Variants in STOX2 observed in about 807,000 individuals in gnomAD.
STOX2 encodes storkhead box 2, also known as storkhead-box protein 2.
Under a neutral mutation model 60.9 loss-of-function variants are expected in STOX2, and 28 were observed. The observed-to-expected ratio is 0.46, with a 90% confidence interval of 0.34 to 0.63. The LOEUF (loss-of-function observed/expected upper bound fraction) is 0.63, where lower values mean the gene tolerates loss of function less well. Among genes scored for constraint, STOX2 ranks in the 30% least tolerant of loss-of-function variants. The pLI is 0.01. For missense variants in STOX2, 1,024 were observed against 1,187.7 expected (o/e 0.86, Z 2.03); for synonymous variants, 472 against 463.9 (o/e 1.02, Z -0.22).
At chr4:183,976,152 A>G (rs1033040431) in intron 1 of STOX2, among the ~76,000 whole-genome samples, 1 of 152,140 alleles carries the variant, frequency 6.6e-6, no homozygotes, top group Non-Finnish European at 1.5e-5. Context: ...CTCTACTAAA[A>G]AATACAAAAA....
chr4:183,911,712 G>A (rs754240928), intron 1 of STOX2, among the ~76,000 whole-genome samples: 4 of 152,212 alleles, frequency 2.6e-5, no homozygotes, highest in Non-Finnish European at 5.9e-5. Flanking sequence ...CGGAGAATTA[G>A]GACAATTCAG....
chr4:183,896,642 G>A (rs28555207), intron 1 of STOX2, among the ~76,000 whole-genome samples: 6,119 of 152,186 alleles, frequency 0.04, 414 homozygotes, highest in African/African-American at 0.14. Context: ...ACCCAGTCCC[G>A]TCTTTTCCTT....
At chr4:183,901,260 T>C (rs997420015), upstream of STOX2, among the ~76,000 whole-genome samples, 1 of 152,250 alleles carries the variant, frequency 6.6e-6, no homozygotes, top group Admixed American at 6.5e-5. Flanking sequence ...TTTAGAATGC[T>C]GAATAGATTC....
chr4:183,951,109 G>T (rs536876926), intron 1 of STOX2, among the ~76,000 whole-genome samples: 1 of 151,314 alleles, frequency 6.6e-6, no homozygotes, highest in South Asian at 2.1e-4. Flanking sequence ...CCAGCTACTC[G>T]GGAGGCTGAG....
At chr4:183,910,422 G>T (rs1741745585) in intron 1 of STOX2, among the ~76,000 whole-genome samples, 1 of 152,210 alleles carries the variant, frequency 6.6e-6, no homozygotes. Context: ...TGATGAAGTT[G>T]TGAGAGCTTT....
intron 1 of STOX2, among the ~76,000 whole-genome samples, chr4:183,991,694 G>T (rs1349022906): frequency 6.6e-6 from 1 of 152,060 alleles, no homozygotes; most frequent in Admixed American, 6.5e-5. Context: ...AAAGTGCTGG[G>T]ATTACAAGCA....
chr4:184,014,308 A>G (rs909558542), intron 3 of STOX2: 1 of 152,180 alleles, frequency 6.6e-6, no homozygotes, highest in Non-Finnish European at 1.5e-5. Context: ...TCTAATATTG[A>G]AAATGAAAAG....
intron 1 of STOX2, among the ~76,000 whole-genome samples, chr4:183,945,844 C>T (rs1253731854): frequency 6.6e-6 from 1 of 152,184 alleles, no homozygotes; most frequent in East Asian, 1.9e-4. Flanking sequence ...TTTCCTCTCT[C>T]CTTGCGAAGG....
At chr4:183,874,994 A>ATATATATATAT (rs1560857959) in intron 1 of STOX2, among the ~76,000 whole-genome samples, 1 of 99,730 alleles carries the variant, frequency 1.0e-5, no homozygotes, top group African/African-American at 3.6e-5. Flanking sequence ...TATATATATA[A>ATATATATATAT]AACTTAGAAT....
At chr4:183,971,896 C>T (rs376644527) in intron 1 of STOX2, among the ~76,000 whole-genome samples, 9 of 152,220 alleles carry the variant, frequency 5.9e-5, no homozygotes, top group South Asian at 4.1e-4. Context: ...CAGCAGGCAC[C>T]GTGGGGAAGG....
At chr4:183,840,899 A>C (rs1251821191) in intron 1 of STOX2, among the ~76,000 whole-genome samples, 1 of 152,078 alleles carries the variant, frequency 6.6e-6, no homozygotes, top group African/African-American at 2.4e-5. Flanking sequence ...ACAGGGTCTC[A>C]CTCTGTTGCC....
Position 183,803,965 on chromosome 4 carries a change from C to CA in STOX2, c.364+5918dup, listed in dbSNP as rs547932214. On this transcript the variant is annotated intron_variant, in intron 1 of 2. Coordinates refer to the STOX2 transcript ENST00000513034. ...CCTGGGTGACAGTGAGACTCTGTCT[C>CA]AAAAAAAAGAAAGAAAAGAATTAAA... Among the ~76,000 whole-genome samples the CA allele has an allele frequency of 2.8e-4, 42 of 149,828 alleles. No individual in the cohort carries two copies. In the South Asian group the frequency reaches 2.9e-3, roughly 10 times the overall value.
chr4:183,864,399 A>AT (rs1740519027), intron 1 of STOX2, among the ~76,000 whole-genome samples: 2 of 152,074 alleles, frequency 1.3e-5, no homozygotes. Flanking sequence ...TGGACTATTT[A>AT]TTTATTTATT....
chr4:183,979,851 T>C (rs1732584571), intron 1 of STOX2, among the ~76,000 whole-genome samples: 1 of 152,200 alleles, frequency 6.6e-6, no homozygotes, highest in Non-Finnish European at 1.5e-5. Flanking sequence ...TTAGGTCTTA[T>C]ATTTCAGGTC....
chr4:183,970,953 G>C (rs982226527), intron 1 of STOX2, among the ~76,000 whole-genome samples: 1 of 152,226 alleles, frequency 6.6e-6, no homozygotes, highest in African/African-American at 2.4e-5. Flanking sequence ...TATATGATAT[G>C]AACATTGCCT....
At chr4:183,957,410 T>A in intron 1 of STOX2, among the ~76,000 whole-genome samples, 1 of 152,206 alleles carries the variant, frequency 6.6e-6, no homozygotes, top group Non-Finnish European at 1.5e-5. Context: ...TAATCACTTG[T>A]TGCAATGGTG....
At chr4:183,860,519 CTTTATA>C (rs1458622746) in intron 1 of STOX2, among the ~76,000 whole-genome samples, 1 of 150,470 alleles carries the variant, frequency 6.6e-6, no homozygotes, top group African/African-American at 2.4e-5. Flanking sequence ...TCCCCTACCT[CTTTATA>C]GAGTGTGAAA....
At chr4:183,936,090 A>G (rs1663622631) in intron 1 of STOX2, among the ~76,000 whole-genome samples, 1 of 152,230 alleles carries the variant, frequency 6.6e-6, no homozygotes, top group African/African-American at 2.4e-5. Context: ...GGGACATATA[A>G]ATAAATTTCA....
At chr4:183,929,274 C>T (rs1368599840) in intron 1 of STOX2, among the ~76,000 whole-genome samples, 1 of 152,190 alleles carries the variant, frequency 6.6e-6, no homozygotes, top group Non-Finnish European at 1.5e-5. Flanking sequence ...ATCAAGTACA[C>T]AGCTATCATT....
Sources: allele counts gnomAD v4.1 joint callset (sites outside exome capture counted in the v4.1 genomes callset), GRCh38; gene constraint gnomAD v4.1.1; transcripts MANE v1.5; gene names NCBI Gene and HGNC (gene_info 2026-07-23, HGNC 2026-07-21).